SUSD6: variants seen among roughly 807,000 people sequenced by gnomAD.
SUSD6 encodes sushi domain-containing protein 6.
In SUSD6, 16 loss-of-function variants were observed where a neutral mutation model predicts 28.4. The observed-to-expected ratio is 0.56, with a 90% CI of 0.38 to 0.86. The LOEUF (loss-of-function observed/expected upper bound fraction) is 0.86. Ranked by LOEUF, SUSD6 falls within the 40% of genes least tolerant of loss-of-function variation. SUSD6 has a pLI of 0.00. For missense variants in SUSD6, 341 were observed against 384.2 expected (o/e 0.89, Z 0.94); for synonymous variants, 147 against 159.6 (o/e 0.92, Z 0.59).
intron 2 of SUSD6, among the ~76,000 whole-genome samples, chr14:69,672,407 G>C (rs2139623947): frequency 6.6e-6 from 1 of 152,276 alleles, no homozygotes; most frequent in East Asian, 1.9e-4. Context: ...TTTCCTCTGA[G>C]AAGCCAGAGT....
intron 1 of SUSD6, among the ~76,000 whole-genome samples, chr14:69,635,992 T>C (rs747756268): frequency 3.3e-5 from 5 of 152,236 alleles, no homozygotes; most frequent in Non-Finnish European, 5.9e-5. Flanking sequence ...GAGATGAATT[T>C]AGTAAGTTGG....
At chr14:69,708,101 G>A (rs1037507275) in intron 4 of SUSD6, among the ~76,000 whole-genome samples, 3 of 152,174 alleles carry the variant, frequency 2.0e-5, no homozygotes, top group African/African-American at 7.2e-5. Flanking sequence ...AAAGCAGTAT[G>A]GCTGAGTCAG....
chr14:69,689,911 C>T (rs1226052272), intron 2 of SUSD6, among the ~76,000 whole-genome samples: 1 of 152,228 alleles, frequency 6.6e-6, no homozygotes, highest in Non-Finnish European at 1.5e-5. Flanking sequence ...AGTGATCCGC[C>T]TGTCTTGGTC....
intron 2 of SUSD6, among the ~76,000 whole-genome samples, chr14:69,694,640 T>G (rs1886198117): frequency 6.6e-6 from 1 of 152,186 alleles, no homozygotes; most frequent in Non-Finnish European, 1.5e-5. Flanking sequence ...GAGGCTTAGG[T>G]GCCACTAAAA....
chr14:69,703,607 T>G lies in SUSD6; in HGVS notation c.319+15T>G. The G allele has an allele frequency of 6.2e-7, 1 of 1,611,716 alleles. No individual in the cohort carries two copies. The highest frequency in any genetic ancestry group is 8.5e-7 in the Non-Finnish European group (1 of 1,177,996). ...TCTCAACGAGGGTCAGTCTGGCAGA[T>G]GAAAAAGGGATGCTGCTGGGGTTCT... On this transcript the variant is annotated intron_variant, in intron 3 of 5. Coordinates refer to ENST00000342745, the MANE Select transcript of SUSD6 (RefSeq NM_014734.4).
At chr14:69,612,730 C>T (rs1345941191) in intron 1 of SUSD6, among the ~76,000 whole-genome samples, 1 of 152,218 alleles carries the variant, frequency 6.6e-6, no homozygotes. Flanking sequence ...AGGCGACATG[C>T]TGGGCTTTGT....
intron 5 of SUSD6, 85 bp from the exon 6 acceptor site, chr14:69,710,869 T>A: frequency 7.8e-7 from 1 of 1,282,014 alleles, no homozygotes; most frequent in Non-Finnish European, 1.1e-6. Flanking sequence ...CTATGTAGGA[T>A]AGCCCCTAAG....
intron 1 of SUSD6, among the ~76,000 whole-genome samples, chr14:69,638,912 C>T (rs576420246): frequency 6.6e-6 from 1 of 152,322 alleles, no homozygotes; most frequent in Non-Finnish European, 1.5e-5. Flanking sequence ...GCTGGCTTCT[C>T]TGAGCTCCTT....
At chr14:69,643,974 C>G (rs879861090) in intron 1 of SUSD6, among the ~76,000 whole-genome samples, 3 of 152,206 alleles carry the variant, frequency 2.0e-5, no homozygotes, top group Non-Finnish European at 4.4e-5. Flanking sequence ...TTCTCTGTCA[C>G]TTCCCTCTTC....
At chr14:69,679,775 C>T (rs1280640132) in intron 2 of SUSD6, among the ~76,000 whole-genome samples, 1 of 152,030 alleles carries the variant, frequency 6.6e-6, no homozygotes, top group Non-Finnish European at 1.5e-5. Flanking sequence ...TTTTTCCTGT[C>T]TGGTAGGTTT....
At chr14:69,709,538 A>C (rs904368270) in intron 5 of SUSD6, among the ~76,000 whole-genome samples, 2 of 152,208 alleles carry the variant, frequency 1.3e-5, no homozygotes, top group South Asian at 2.1e-4. Context: ...TCCGGGTACT[A>C]TGCTAGTTTG....
chr14:69,650,341 C>T (rs547608121), intron 1 of SUSD6, among the ~76,000 whole-genome samples: 2 of 152,292 alleles, frequency 1.3e-5, no homozygotes, highest in African/African-American at 4.8e-5. Flanking sequence ...TGCACAGCAA[C>T]CCAATGAGGT....
At position 69,713,718 on chromosome 14, in the gene SUSD6, G is replaced by C. The variant is rs546624603; in HGVS notation, c.*2739G>C. ...GGTGGAAGAAACCGGCCACAGCCCT[G>C]CTTTACCGGGCTCACCTCTAGGGCA... On this transcript the variant is annotated 3_prime_UTR_variant, in exon 6 of 6. Transcript: ENST00000342745. The C allele has an allele frequency of 3.9e-5, 6 of 152,296 alleles. No individual in the cohort carries two copies. The highest frequency in any genetic ancestry group is 1.4e-4 in the African/African-American group (6 of 41,548). The allele number at this position is 152,296 out of a possible 1,614,324, so 9.4% of individuals were successfully genotyped here. A position where few individuals can be genotyped will look rare whatever the true frequency, so the allele number is the denominator to read the frequency against.
At chr14:69,628,894 A>G (rs1013743222) in intron 1 of SUSD6, among the ~76,000 whole-genome samples, 11 of 151,690 alleles carry the variant, frequency 7.3e-5, no homozygotes, top group African/African-American at 2.4e-4. Flanking sequence ...TTTTGAAGAG[A>G]TGGGGTTTTG....
intron 1 of SUSD6, among the ~76,000 whole-genome samples, chr14:69,624,526 C>T (rs1885086858): frequency 6.6e-6 from 1 of 150,934 alleles, no homozygotes; most frequent in African/African-American, 2.4e-5. Flanking sequence ...GATCTCGGCT[C>T]ACCGCAACCT....
chr14:69,707,403 A>C (rs1356624418), intron 4 of SUSD6, among the ~76,000 whole-genome samples: 1 of 152,262 alleles, frequency 6.6e-6, no homozygotes, highest in Non-Finnish European at 1.5e-5. Flanking sequence ...TGAGTAAAAG[A>C]AGCCAGAAAC....
intron 2 of SUSD6, among the ~76,000 whole-genome samples, chr14:69,660,440 A>AC (rs894117028): frequency 3.3e-5 from 5 of 152,288 alleles, no homozygotes; most frequent in Admixed American, 6.5e-5. Flanking sequence ...GATGATTGGG[A>AC]CCCCACAATG....
intron 2 of SUSD6, among the ~76,000 whole-genome samples, chr14:69,692,028 G>T (rs1886160740): frequency 7.0e-6 from 1 of 142,008 alleles, no homozygotes; most frequent in Admixed American, 7.2e-5. Flanking sequence ...GACAGAGTGA[G>T]ACTCCGTCTC....
At chr14:69,694,537 G>A (rs1343178846) in intron 2 of SUSD6, among the ~76,000 whole-genome samples, 1 of 152,216 alleles carries the variant, frequency 6.6e-6, no homozygotes, top group Admixed American at 6.5e-5. Context: ...CCTTGGAGAT[G>A]GGTGGGGTTC....
Sources: gnomAD v4.1 joint callset for allele counts (sites outside exome capture counted in the v4.1 genomes callset) on GRCh38, gnomAD v4.1.1 for gene constraint, MANE v1.5 for transcripts, NCBI Gene and HGNC (gene_info 2026-07-23, HGNC 2026-07-21) for gene names.